Variants in TMEM229B observed in about 807,000 individuals in gnomAD.
The protein encoded by TMEM229B is chromosome 14 open reading frame 83.
In TMEM229B, 6 loss-of-function variants were observed where a neutral mutation model predicts 13.7. That is an observed-to-expected ratio of 0.44 (90% CI 0.24 to 0.86). The LOEUF (loss-of-function observed/expected upper bound fraction) is 0.86. Ranked by LOEUF, TMEM229B falls within the 40% of genes least tolerant of loss-of-function variation. The pLI is 0.23. For synonymous variants in TMEM229B, 107 were observed against 102.1 expected (o/e 1.05, Z -0.29); for missense variants, 170 against 236.0 (o/e 0.72, Z 1.83).
At chr14:67,519,170 G>C (rs1226427680), upstream of TMEM229B, among the ~76,000 whole-genome samples, 1 of 152,130 alleles carries the variant, frequency 6.6e-6, no homozygotes, top group Admixed American at 6.5e-5. Context: ...GGAAGGAAAG[G>C]GGCATAAAGA....
At chr14:67,517,094 A>G (rs947500250), upstream of TMEM229B, among the ~76,000 whole-genome samples, 4 of 152,344 alleles carry the variant, frequency 2.6e-5, no homozygotes, top group South Asian at 8.3e-4. Context: ...ACAGGCAGGC[A>G]TGTGGGCTGT....
intron 1 of TMEM229B, among the ~76,000 whole-genome samples, chr14:67,504,859 CAG>C (rs2032760638): frequency 6.6e-6 from 1 of 152,114 alleles, no homozygotes; most frequent in South Asian, 2.1e-4. Flanking sequence ...GCACTCCAAT[CAG>C]GGCAACAAGA....
At chr14:67,510,947 T>A (rs900046283) in intron 1 of TMEM229B, among the ~76,000 whole-genome samples, 7 of 152,168 alleles carry the variant, frequency 4.6e-5, no homozygotes, top group Admixed American at 2.6e-4. Context: ...AGGAAGCACA[T>A]TTTATCTTGA....
In TMEM229B at chr14:67,475,066, C is replaced by A. The variant is rs192254349; in HGVS notation, c.-18-1125G>T. On this transcript the variant is annotated intron_variant, in intron 2 of 2. Transcript: ENST00000554480. ...GAGTAGCTGGGACTACAGGCACACA[C>A]CATCATGCCCGGCTAATTTTTGAAT... 6.6e-5 allele frequency among the ~76,000 whole-genome samples: 10 copies of A among 152,072 alleles called. No homozygotes were observed. In the East Asian group the frequency reaches 1.9e-3, roughly 29 times the overall value.
chr14:67,478,271 C>A (rs2031352769), intron 2 of TMEM229B, among the ~76,000 whole-genome samples: 1 of 152,192 alleles, frequency 6.6e-6, no homozygotes, highest in African/African-American at 2.4e-5. Flanking sequence ...GGTTCAAGAC[C>A]CTGGCTAAGC....
chr14:67,523,715 C>T (rs2033323902), intron 1 of TMEM229B, among the ~76,000 whole-genome samples: 1 of 152,364 alleles, frequency 6.6e-6, no homozygotes, highest in Non-Finnish European at 1.5e-5. Context: ...TGTAAATACA[C>T]ACTTCTTTTT....
chr14:67,528,025 G>A (rs147786632), intron 1 of TMEM229B, among the ~76,000 whole-genome samples: 56 of 152,280 alleles, frequency 3.7e-4, no homozygotes, highest in African/African-American at 1.3e-3. Context: ...GTGGACACTC[G>A]GCAAGCACAT....
intron 1 of TMEM229B, among the ~76,000 whole-genome samples, chr14:67,506,867 C>A (rs1019965567): frequency 6.6e-6 from 1 of 152,088 alleles, no homozygotes; most frequent in African/African-American, 2.4e-5. Flanking sequence ...ACCTGTAGTC[C>A]CAGCTACTCA....
intron 1 of TMEM229B, among the ~76,000 whole-genome samples, chr14:67,514,377 G>GT (rs1160931887): frequency 6.6e-6 from 1 of 152,170 alleles, no homozygotes; most frequent in African/African-American, 2.4e-5. Context: ...GAACCGGGCT[G>GT]TAACACTCCC....
rs762090019 is a variant in TMEM229B at position 67,508,777 on chromosome 14, G to T, written c.-192+6309C>A. Among the ~76,000 whole-genome samples the T allele has an allele frequency of 2.1e-3, 170 of 79,684 alleles. 1 individual carries two copies. The highest frequency in any genetic ancestry group is 3.5e-3 in the Non-Finnish European group (117 of 33,356). The allele number at this position is 79,684 out of a possible 152,430, so 52.3% of individuals were successfully genotyped here. On this transcript the variant is annotated intron_variant, in intron 1 of 2. Transcript: ENST00000357461. ...TCAAAAAAAAAAAAAAAAAACAGAA[G>T]ACAATTAACTTGCTTGGAACAAACA...
intron 2 of TMEM229B, among the ~76,000 whole-genome samples, chr14:67,482,861 C>G (rs774979048): frequency 1.2e-4 from 19 of 152,176 alleles, no homozygotes; most frequent in Non-Finnish European, 1.9e-4. Context: ...TACTGCAGGC[C>G]TTGATGAAGT....
intron 2 of TMEM229B, among the ~76,000 whole-genome samples, chr14:67,476,863 C>A (rs74058424): frequency 0.076 from 11,606 of 152,162 alleles, 504 homozygotes; most frequent in African/African-American, 0.11. Flanking sequence ...CAGTGGCTCA[C>A]GCCTGTAATC....
chr14:67,511,092 T>C (rs147928002), intron 1 of TMEM229B, among the ~76,000 whole-genome samples: 1 of 152,266 alleles, frequency 6.6e-6, no homozygotes, highest in Admixed American at 6.5e-5. Flanking sequence ...ACCTTTCCAA[T>C]GGAAACGGAT....
At chr14:67,508,483 G>A (rs1456923808) in intron 1 of TMEM229B, among the ~76,000 whole-genome samples, 1 of 152,072 alleles carries the variant, frequency 6.6e-6, no homozygotes, top group African/African-American at 2.4e-5. Flanking sequence ...CTGACCCCTT[G>A]CACACTGTTC....
intron 2 of TMEM229B, among the ~76,000 whole-genome samples, chr14:67,484,326 C>G (rs79589732): frequency 1.2e-3 from 185 of 152,242 alleles, no homozygotes; most frequent in African/African-American, 4.2e-3. Flanking sequence ...ATGAGTGGGC[C>G]CAAACAGGCC....
intron 1 of TMEM229B, among the ~76,000 whole-genome samples, chr14:67,529,758 C>T (rs183673603): frequency 1.1e-3 from 165 of 152,308 alleles, no homozygotes; most frequent in African/African-American, 3.3e-3. Context: ...AGCCAAATTG[C>T]TCCCAAAGAT....
intron 1 of TMEM229B, among the ~76,000 whole-genome samples, chr14:67,496,391 GTTTTTTTTT>G (rs555715850): frequency 3.3e-4 from 10 of 30,106 alleles, no homozygotes; most frequent in East Asian, 2.4e-3. Flanking sequence ...CTGCTCCGGC[GTTTTTTTTT>G]TTTTTTTTTT....
chr14:67,485,639 C>T (rs1424873001), intron 2 of TMEM229B, among the ~76,000 whole-genome samples: 4 of 152,204 alleles, frequency 2.6e-5, no homozygotes, highest in South Asian at 2.1e-4. Context: ...CACCAGGCTA[C>T]GGGCCCTGCA....
At chr14:67,504,550 T>C (rs2032746803) in intron 1 of TMEM229B, among the ~76,000 whole-genome samples, 1 of 152,148 alleles carries the variant, frequency 6.6e-6, no homozygotes, top group Non-Finnish European at 1.5e-5. Flanking sequence ...AATGATGGTT[T>C]TGATGATACA....
Sources: allele counts gnomAD v4.1 joint callset (sites outside exome capture counted in the v4.1 genomes callset), GRCh38; gene constraint gnomAD v4.1.1; transcripts MANE v1.5; gene names NCBI Gene and HGNC (gene_info 2026-07-23, HGNC 2026-07-21).